The following PTTG1IP2 variants were observed in gnomAD, a reference collection of about 807,000 sequenced individuals.
PTTG1IP2 encodes the protein PTTG1IP family member 2.
chr7:90,473,191 T>C (rs1486292989), intron 1 of PTTG1IP2, among the ~76,000 whole-genome samples: 1 of 152,152 alleles, frequency 6.6e-6, no homozygotes, highest in African/African-American at 2.4e-5. Context: ...AGGGAAAAGA[T>C]TAGAGAGCCC....
At chr7:90,494,315 G>A (rs1423573110) in intron 5 of PTTG1IP2, 52 bp from the exon 6 acceptor site, 1 of 152,000 alleles carries the variant, frequency 6.6e-6, no homozygotes, top group Non-Finnish European at 1.5e-5. Flanking sequence ...AGTTTTTATT[G>A]ACTTTTCCTA....
intron 2 of PTTG1IP2, among the ~76,000 whole-genome samples, chr7:90,483,427 A>C (rs1797835534): frequency 6.6e-6 from 1 of 152,216 alleles, no homozygotes; most frequent in Admixed American, 6.5e-5. Context: ...TTGGAAACAC[A>C]TGCACATTCA....
chr7:90,509,490 A>G (rs1418622577), intron 6 of PTTG1IP2, among the ~76,000 whole-genome samples: 1 of 152,158 alleles, frequency 6.6e-6, no homozygotes, highest in African/African-American at 2.4e-5. Flanking sequence ...AAACAGGAGG[A>G]AGGGCAAGAA....
At chr7:90,503,164 CATG>C (rs1300348132) in intron 6 of PTTG1IP2, among the ~76,000 whole-genome samples, 2 of 152,206 alleles carry the variant, frequency 1.3e-5, no homozygotes, top group Non-Finnish European at 2.9e-5. Context: ...CCTTCAACTT[CATG>C]AACCAGTCTC....
At chr7:90,472,822 C>T (rs1489814033) in intron 1 of PTTG1IP2, among the ~76,000 whole-genome samples, 1 of 152,134 alleles carries the variant, frequency 6.6e-6, no homozygotes, top group East Asian at 1.9e-4. Context: ...TTCATATAGC[C>T]ATCTTTAAGA....
intron 4 of PTTG1IP2, among the ~76,000 whole-genome samples, chr7:90,489,233 C>T (rs1188029695): frequency 6.6e-6 from 1 of 151,548 alleles, no homozygotes; most frequent in Admixed American, 6.6e-5. Context: ...TCTGTAGTTA[C>T]CTCCATATAT....
chr7:90,479,980 A>G (rs1056257140), intron 2 of PTTG1IP2, among the ~76,000 whole-genome samples: 1 of 152,066 alleles, frequency 6.6e-6, no homozygotes, highest in Non-Finnish European at 1.5e-5. Context: ...AATGTCTATC[A>G]CTCGTCTACT....
At chr7:90,492,906 C>A (rs560352464) in intron 5 of PTTG1IP2, among the ~76,000 whole-genome samples, 1 of 152,254 alleles carries the variant, frequency 6.6e-6, no homozygotes, top group East Asian at 1.9e-4. Context: ...CCCTTACTTA[C>A]AAAGCTTTCC....
chr7:90,486,063 A>T (rs990554558), intron 2 of PTTG1IP2, among the ~76,000 whole-genome samples: 1 of 152,184 alleles, frequency 6.6e-6, no homozygotes, highest in African/African-American at 2.4e-5. Context: ...CCAGTGTGAA[A>T]CAAAAGCTGG....
At chr7:90,506,498 C>T (rs1007575335) in intron 6 of PTTG1IP2, among the ~76,000 whole-genome samples, 4 of 152,134 alleles carry the variant, frequency 2.6e-5, no homozygotes, top group Admixed American at 2.0e-4. Flanking sequence ...CTTGGGGACT[C>T]ACACCTGTAA....
intron 4 of PTTG1IP2, among the ~76,000 whole-genome samples, chr7:90,491,092 G>T (rs1797932818): frequency 6.6e-6 from 1 of 152,072 alleles, no homozygotes. Context: ...AAATACCCTA[G>T]AATGACCAAT....
At position 90,487,337 on chromosome 7, in the gene PTTG1IP2, G is replaced by A. The variant is rs372524530; in HGVS notation, c.203G>A (p.Cys68Tyr). The A allele has an allele frequency of 1.3e-4, 20 of 152,724 alleles. 2 individuals are homozygous for A. In the South Asian group the frequency reaches 4.1e-3, roughly 32 times the overall value. The allele number at this position is 152,724 out of a possible 1,614,324, so 9.5% of individuals were successfully genotyped here. A position where few individuals can be genotyped will look rare whatever the true frequency, so the allele number is the denominator to read the frequency against. ...LCTEDKKCVW[C>Y]SEEKACKKYC... ...TCTTTCCAAATATAGTGTGTTTGGT[G>A]TAGTGAAGAAAAAGCATGCAAAAAA... is the stretch of plus-strand genomic sequence containing the variant. The change falls in exon 3 of 7, where the codon TGT (cysteine) becomes TAT (tyrosine). Residue 68 changes from cysteine to tyrosine, a missense_variant. Physicochemically the swap from Cys to Tyr is radical, Grantham distance 194. Transcript: ENST00000509356.
In PTTG1IP2 at chr7:90,469,927, A is replaced by T. The variant is rs1431934197; in HGVS notation, c.141A>T (p.Glu47Asp). 1 of 152,672 alleles carries T rather than the reference A, an allele frequency of 6.5e-6. No homozygotes were observed. The highest frequency in any genetic ancestry group is 1.5e-5 in the Non-Finnish European group (1 of 68,076). 9.5% of individuals were successfully genotyped at this position (152,672 alleles called of 1,614,324 possible). Residue 47 changes from glutamate (E) to aspartate (D), a missense_variant, in exon 1 of 7, where the codon GAA (glutamate) becomes GAT (aspartate). Glu to Asp is a conservative substitution (Grantham distance 45). Coordinates refer to ENST00000509356, the MANE Select transcript of PTTG1IP2 (RefSeq NM_001365443.2). Reference protein sequence around the residue: ...RNNQKPRDGNEEECAVKKSCQ... With the variant: ...RNNQKPRDGNDEECAVKKSCQ... The stretch of plus-strand genomic sequence containing the variant: ...ATCAGAAACCAAGAGATGGGAATGA[A>T]GAGGGTGAGTGATCTGGAGTCCTGA...
chr7:90,472,152 A>G (rs1797696079), intron 1 of PTTG1IP2, among the ~76,000 whole-genome samples: 1 of 152,194 alleles, frequency 6.6e-6, no homozygotes, highest in South Asian at 2.1e-4. Context: ...TCTCACCTAC[A>G]CTATATCAGA....
chr7:90,501,392 G>A (rs1282430128), intron 6 of PTTG1IP2, among the ~76,000 whole-genome samples: 1 of 152,180 alleles, frequency 6.6e-6, no homozygotes, highest in African/African-American at 2.4e-5. Flanking sequence ...TACATGGCCA[G>A]ACATAGTAGC....
At chr7:90,485,097 A>G (rs1797854377) in intron 2 of PTTG1IP2, among the ~76,000 whole-genome samples, 1 of 152,206 alleles carries the variant, frequency 6.6e-6, no homozygotes, top group African/African-American at 2.4e-5. Flanking sequence ...ATTGGCAGCC[A>G]CAGGACCACA....
At chr7:90,481,321 C>T (rs1398255163) in intron 2 of PTTG1IP2, among the ~76,000 whole-genome samples, 1 of 152,128 alleles carries the variant, frequency 6.6e-6, no homozygotes, top group Non-Finnish European at 1.5e-5. Flanking sequence ...CATTCCGCAA[C>T]TCTGATTGGT....
rs186324647 is a variant in PTTG1IP2, at chr7:90,497,617, T to C, written c.*50+3187T>C. ...AAGTTAGCCAGGCTACTAGGAAGGG[T>C]GGGGCAGGAGGAGCCCTTGAGCCCA... On this transcript the variant is annotated intron_variant, in intron 6 of 6. Transcript: ENST00000509356. 2.4e-3 allele frequency among the ~76,000 whole-genome samples: 277 copies of C among 116,916 alleles called. 2 individuals carry two copies. The highest frequency in any genetic ancestry group is 8.6e-3 in the African/African-American group (261 of 30,352). 76.7% of individuals were successfully genotyped at this position (116,916 alleles called of 152,430 possible).
chr7:90,485,662 AT>A (rs1481996616), intron 2 of PTTG1IP2, among the ~76,000 whole-genome samples: 1 of 152,028 alleles, frequency 6.6e-6, no homozygotes, highest in Non-Finnish European at 1.5e-5. Context: ...CTTTTCCATT[AT>A]TCTCTGAGCC....
Sources: gnomAD v4.1 joint callset for allele counts (sites outside exome capture counted in the v4.1 genomes callset) on GRCh38, gnomAD v4.1.1 for gene constraint, MANE v1.5 for transcripts, NCBI Gene and HGNC (gene_info 2026-07-23, HGNC 2026-07-21) for gene names.